The following NAPRT variants were observed in gnomAD, a reference collection of about 807,000 sequenced individuals.
The protein encoded by NAPRT is FHA-HIT-interacting protein.
A neutral mutation model predicts 60.7 loss-of-function variants in NAPRT; 66 were observed. The observed-to-expected ratio is 1.09, with a 90% CI of 0.89 to 1.33. The LOEUF (loss-of-function observed/expected upper bound fraction) is 1.33. Ranked by LOEUF, NAPRT falls within the 40% of genes most tolerant of loss-of-function variation. The probability of loss-of-function intolerance (pLI) is 0.00; values close to 1 mark genes in which losing one functional copy is unlikely to be tolerated. For synonymous variants in NAPRT, 405 were observed against 335.7 expected (o/e 1.21, Z -2.26); for missense variants, 818 against 731.5 (o/e 1.12, Z -1.36).
chr8:143,577,182 G>T lies in NAPRT; in HGVS notation c.569-5C>A, dbSNP rs1824530499. ...CGTTGCTGCTGCTGTCGAAGCCTGG[G>T]GAGGAAGGCGGTGGGATTGGGGGAC... On this transcript the variant is annotated splice_region_variant and splice_polypyrimidine_tract_variant and intron_variant, in intron 4 of 12. Transcript: ENST00000449291. 1 of 1,610,558 alleles carries T rather than the reference G, an allele frequency of 6.2e-7. No homozygotes were observed. Among genetic ancestry groups the T allele is most frequent in the East Asian group, 2.2e-5 (1 of 44,794 alleles).
downstream of NAPRT, chr8:143,573,551 C>G (rs149073831): frequency 6.6e-6 from 1 of 152,228 alleles, no homozygotes; most frequent in Non-Finnish European, 1.5e-5. Context: ...TGCCCGCTTC[C>G]GCTTCCACCA....
Position 143,576,736 on chromosome 8 carries a change from G to A in NAPRT, c.791C>T (p.Pro264Leu), listed in dbSNP as rs759040734. 42 of 1,608,050 alleles carry A rather than the reference G, an allele frequency of 2.6e-5. No homozygotes were observed. The highest frequency in any genetic ancestry group is 3.0e-5 in the Non-Finnish European group (35 of 1,178,798). The change falls in exon 6 of 13, where the codon CCG (proline) becomes CTG (leucine). Residue 264 changes from proline (P) to leucine (L), a missense_variant. Physicochemically the swap from Pro to Leu is moderately conservative, Grantham distance 98. Coordinates refer to ENST00000449291, the MANE Select transcript of NAPRT (RefSeq NM_145201.6). ...AAAGGCTGCCCGCTCGCCTGGATGC[G>A]GCTCCTGCACCCCCAGCCCCAGGTG... Reference protein sequence around the residue: ...CAHLGLGVQEPHPGERAAFVA... With the variant: ...CAHLGLGVQELHPGERAAFVA...
At chr8:143,574,692 C>CA, downstream of NAPRT, 2 of 917,040 alleles carry the variant, frequency 2.2e-6, no homozygotes, top group Non-Finnish European at 3.5e-6. Context: ...CCTGCTACCT[C>CA]GAGCTCAGAT....
chr8:143,577,831 G>A lies in NAPRT; in HGVS notation c.339C>T (p.Ser113=), dbSNP rs879828744. The A allele has an allele frequency of 3.1e-6, 5 of 1,610,014 alleles. No homozygotes were observed. The highest frequency in any genetic ancestry group is 2.5e-6 in the Non-Finnish European group (3 of 1,179,032). ...EVTVRALPEG[S]LAFPGVPLLQ... is the part of the protein sequence containing the mutation. ...CCCTACTCACTCCGGGGAAGGCGAG[G>A]GAGCCCTCGGGCAGGGCTCGCACCG... Residue 113 remains serine (S), a synonymous_variant, in exon 2 of 13, where the codon TCC becomes TCT. Coordinates refer to ENST00000449291, the MANE Select transcript of NAPRT (RefSeq NM_145201.6).
Position 143,575,610 on chromosome 8 carries a change from C to T in NAPRT, c.1188+12G>A, listed in dbSNP as rs746430119. ...GACCTGCCCCCACCTGGGCCCCCGA[C>T]ACTGTCCCTACCTTATAGACGCCAC... On this transcript the variant is annotated intron_variant, in intron 9 of 12. Coordinates refer to ENST00000449291, the MANE Select transcript of NAPRT (RefSeq NM_145201.6). The T allele has an allele frequency of 1.9e-6, 3 of 1,589,924 alleles. No homozygotes were observed. Among genetic ancestry groups the T allele is most frequent in the East Asian group, 4.5e-5 (2 of 44,024 alleles).
In NAPRT at chr8:143,575,656, C is replaced by T. The variant is rs1199886393; in HGVS notation, c.1154G>A (p.Cys385Tyr). 1 of 1,595,512 alleles carries T rather than the reference C, an allele frequency of 6.3e-7. No homozygotes were observed. The highest frequency in any genetic ancestry group is 1.7e-5 in the Admixed American group (1 of 57,784). The change falls in exon 9 of 13, where the codon TGC becomes TAC. Residue 385 changes from cysteine (C) to tyrosine (Y), a missense_variant. Cys to Tyr is a radical substitution (Grantham distance 194, BLOSUM62 -2). Transcript: ENST00000449291. The part of the protein sequence containing the change: ...VIGIGTSVVT[C>Y]PQQPSLGGVY... ...GCCACCCAGGGAAGGCTGTTGGGGG[C>T]AGGTGACCACACTGGTGCCAATGCC...
At chr8:143,576,381 C>G (rs1262949896) in intron 7 of NAPRT, 51 bp downstream of exon 7, 1 of 1,565,326 alleles carries the variant, frequency 6.4e-7, no homozygotes, top group African/African-American at 1.4e-5. Flanking sequence ...CTGCCCATTC[C>G]CAAACCCCGG....
chr8:143,575,355 C>T lies in NAPRT; in HGVS notation c.1292-10G>A, dbSNP rs75601593. On this transcript the variant is annotated splice_polypyrimidine_tract_variant and intron_variant, in intron 10 of 12. Transcript: ENST00000449291. The stretch of plus-strand genomic sequence containing the variant: ...TCCATGAGTGGAGACCCTGTGTGGA[C>T]GGGGCAAGAATAAGCGGGGGCCCTG... The T allele has an allele frequency of 1.1e-3, 1,778 of 1,608,120 alleles. 13 individuals are homozygous for T. The East Asian group carries it at 0.02, about 18-fold the overall frequency.
rs201149658 is a variant in NAPRT, at chr8:143,576,485, G to T, written c.969C>A (p.Asp323Glu). Residue 323 changes from aspartate (D) to glutamate (E), a missense_variant, in exon 7 of 13, where the codon GAC (aspartate) becomes GAA (glutamate). Asp to Glu is a conservative substitution (Grantham distance 45). Coordinates refer to ENST00000449291, the MANE Select transcript of NAPRT (RefSeq NM_145201.6). ...RAVGVRLDSG[D>E]LLQQAQEIRK... is the part of the protein sequence containing the mutation. ...GGATCTCCTGAGCCTGCTGTAGCAG[G>T]TCACCACTGTCCAGCCTCACGCCCA... 8 of 1,612,566 alleles carry T rather than the reference G, an allele frequency of 5.0e-6. No individual in the cohort carries two copies. The Admixed American group carries it at 8.3e-5, about 17-fold the overall frequency.
intron 12 of NAPRT, 41 bp downstream of exon 12, chr8:143,574,945 G>A (rs1433059855): frequency 3.9e-6 from 6 of 1,549,472 alleles, no homozygotes; most frequent in East Asian, 2.4e-5. Context: ...GTGAGGGCGG[G>A]GGCGCACAGG....
chr8:143,574,994 G>T lies in NAPRT; in HGVS notation c.1546C>A (p.Gln516Lys). The change falls in exon 12 of 13, where the codon CAG (glutamine) becomes AAG (lysine). Residue 516 changes from glutamine (Q) to lysine (K), a missense_variant. Coordinates refer to ENST00000449291, the MANE Select transcript of NAPRT (RefSeq NM_145201.6). ...GTGGGCCTCCCCCCAACCTGGTACT[G>T]TGCAGGGCTCCGCAGCCGCCTGTGC... Reference protein sequence around the residue: ...PEHRRLRSPAQYQVVLSERLQ... With the variant: ...PEHRRLRSPAKYQVVLSERLQ... 1 of 1,534,802 alleles carries T rather than the reference G, an allele frequency of 6.5e-7. No homozygotes were observed. Among genetic ancestry groups the T allele is most frequent in the Non-Finnish European group, 8.8e-7 (1 of 1,137,710 alleles).
intron 3 of NAPRT, 46 bp downstream of exon 3, chr8:143,577,611 G>C: frequency 6.5e-7 from 1 of 1,530,536 alleles, no homozygotes; most frequent in South Asian, 1.2e-5. Context: ...CCGGCGCTGG[G>C]GGCCCATCCC....
In NAPRT at chr8:143,578,214, C is replaced by T; in HGVS notation, c.105G>A (p.Ala35=). The change falls in exon 1 of 13, where the codon GCG becomes GCA. Residue 35 remains alanine (A), a synonymous_variant. Coordinates refer to ENST00000449291, the MANE Select transcript of NAPRT (RefSeq NM_145201.6). ...MALGYWRAGR[A]RDAAEFELFF... ...AGAGCTCGAACTCGGCGGCGTCCCG[C>T]GCCCGGCCCGCGCGCCAATAGCCCA... 1.3e-6 allele frequency: 2 copies of T among 1,504,448 alleles called. No homozygotes were observed. The highest frequency in any genetic ancestry group is 2.7e-5 in the East Asian group (1 of 37,018). 93.2% of individuals were successfully genotyped at this position (1,504,448 alleles called of 1,614,324 possible).
chr8:143,577,237 G>C, intron 4 of NAPRT, 32 bp downstream of exon 4: 1 of 1,605,536 alleles, frequency 6.2e-7, no homozygotes. Flanking sequence ...CCTCCTTCCC[G>C]GCCCTTGCCT....
In NAPRT at chr8:143,574,837, C is replaced by A. The variant is rs1030219219; in HGVS notation, c.*1G>T. Reference sequence around the variant, plus strand: ...GTTTCCAGTCAGCCCCGCTCCGAGTCTCAGGGGGACTGCCCCGCACACAGA... The same window carrying A: ...GTTTCCAGTCAGCCCCGCTCCGAGTATCAGGGGGACTGCCCCGCACACAGA... On this transcript the variant is annotated 3_prime_UTR_variant, in exon 13 of 13. Coordinates refer to ENST00000449291, the MANE Select transcript of NAPRT (RefSeq NM_145201.6). The A allele has an allele frequency of 6.4e-6, 10 of 1,550,550 alleles. No individual in the cohort carries two copies. In the African/African-American group the frequency reaches 9.6e-5, roughly 15 times the overall value.
Position 143,575,655 on chromosome 8 carries a change from G to A in NAPRT, c.1155C>T (p.Cys385=), listed in dbSNP as rs1217407304. The A allele has an allele frequency of 1.3e-6, 2 of 1,595,972 alleles. No individual in the cohort carries two copies. Among genetic ancestry groups the A allele is most frequent in the Non-Finnish European group, 1.7e-6 (2 of 1,172,262 alleles). ...CGCCACCCAGGGAAGGCTGTTGGGG[G>A]CAGGTGACCACACTGGTGCCAATGC... ...VIGIGTSVVT[C]PQQPSLGGVY... is the part of the protein sequence containing the mutation. Residue 385 remains cysteine (C), a synonymous_variant, in exon 9 of 13, where the codon TGC becomes TGT. Transcript: ENST00000449291.
chr8:143,574,709 C>T, downstream of NAPRT: 1 of 1,141,174 alleles, frequency 8.8e-7, no homozygotes, highest in Non-Finnish European at 1.3e-6. Flanking sequence ...AGATTCCCGA[C>T]TCCAGCCCAG....
rs1275581021 is a variant in NAPRT at position 143,575,760 on chromosome 8, C to CCGTG, written c.1108-59_1108-58insCACG. 6 of 1,183,624 alleles carry CCGTG rather than the reference C, an allele frequency of 5.1e-6. No homozygotes were observed. The East Asian group carries it at 1.5e-4, about 31-fold the overall frequency. The allele number at this position is 1,183,624 out of a possible 1,614,324, so 73.3% of individuals were successfully genotyped here. On this transcript the variant is annotated intron_variant, in intron 8 of 12. Coordinates refer to ENST00000449291, the MANE Select transcript of NAPRT (RefSeq NM_145201.6). ...CTGCCCTGGGTGGGGAAGGGGGTGG[C>CCGTG]ACTGCCCTGGGTGGGGAAGGAGGTG... is the stretch of plus-strand genomic sequence containing the variant.
chr8:143,578,121 G>T lies in NAPRT; in HGVS notation c.198C>A (p.Phe66Leu). The T allele has an allele frequency of 2.6e-6, 4 of 1,528,360 alleles. No homozygotes were observed. The highest frequency in any genetic ancestry group is 3.5e-6 in the Non-Finnish European group (4 of 1,144,292). The allele number at this position is 1,528,360 out of a possible 1,614,324, so 94.7% of individuals were successfully genotyped here. A position where few individuals can be genotyped will look rare whatever the true frequency, so the allele number is the denominator to read the frequency against. ...LAAGLRDCVR[F>L]LRAFRLRDAD... Reference sequence around the variant, plus strand: ...CGTCCCGCAGGCGGAAGGCGCGCAGGAAGCGCACACAGTCGCGCAAGCCGG... The same window carrying T: ...CGTCCCGCAGGCGGAAGGCGCGCAGTAAGCGCACACAGTCGCGCAAGCCGG... The change falls in exon 1 of 13, where the codon TTC becomes TTA. Residue 66 changes from phenylalanine (F) to leucine (L), a missense_variant. Phe to Leu is a conservative substitution (Grantham distance 22). Coordinates refer to ENST00000449291, the MANE Select transcript of NAPRT (RefSeq NM_145201.6).
Sources: allele counts gnomAD v4.1 joint callset, GRCh38; gene constraint gnomAD v4.1.1; transcripts MANE v1.5; gene names NCBI Gene and HGNC (gene_info 2026-07-23, HGNC 2026-07-21).